The following NBEA variants were observed in gnomAD, a reference collection of about 807,000 sequenced individuals.
The protein encoded by NBEA is neurobeachin, also known as lysosomal-trafficking regulator 2.
A neutral mutation model predicts 343.4 loss-of-function variants in NBEA; 44 were observed. That is an observed-to-expected ratio of 0.13 (90% CI 0.10 to 0.16). The LOEUF is 0.16. Ranked by LOEUF, NBEA falls within the 10% of genes least tolerant of loss-of-function variation. The pLI is 1.00. For missense variants in NBEA, 2,555 were observed against 3,631.3 expected (o/e 0.70, Z 7.62); for synonymous variants, 1,175 against 1,238.7 (o/e 0.95, Z 1.08).
At position 35,601,041 on chromosome 13, in the gene NBEA, A is replaced by G. The variant is rs563139241; in HGVS notation, c.7297-5385A>G. 1.2e-4 allele frequency among the ~76,000 whole-genome samples: 18 copies of G among 152,142 alleles called. No individual in the cohort carries two copies. In the East Asian group the frequency reaches 3.5e-3, roughly 29 times the overall value. ...AAAATACAAAAATTAGTCAGCCATCATGGCGCACACCTGTAATCCCAGCTA... is the reference window on the plus strand; with the variant it reads ...AAAATACAAAAATTAGTCAGCCATCGTGGCGCACACCTGTAATCCCAGCTA... On this transcript the variant is annotated intron_variant, in intron 47 of 58. Coordinates refer to ENST00000379939, the MANE Select transcript of NBEA (RefSeq NM_001385012.1).
At chr13:35,534,832 G>T (rs1283223475) in intron 41 of NBEA, among the ~76,000 whole-genome samples, 3 of 152,056 alleles carry the variant, frequency 2.0e-5, no homozygotes, top group Admixed American at 2.0e-4. Context: ...AATTTTTTTT[G>T]ATGAACAAAT....
intron 45 of NBEA, among the ~76,000 whole-genome samples, chr13:35,581,182 T>C (rs56002303): frequency 0.24 from 36,327 of 151,704 alleles, 4,772 homozygotes; most frequent in East Asian, 0.35. Context: ...TTCTAGATCC[T>C]TGAGGAATCG....
At chr13:35,587,099 C>T (rs900292982) in intron 46 of NBEA, among the ~76,000 whole-genome samples, 6 of 151,964 alleles carry the variant, frequency 3.9e-5, no homozygotes, top group East Asian at 1.9e-4. Flanking sequence ...TCATTACTGC[C>T]GCCAGTGGAA....
intron 38 of NBEA, among the ~76,000 whole-genome samples, chr13:35,375,854 A>G (rs988904205): frequency 2.6e-5 from 4 of 152,150 alleles, no homozygotes; most frequent in African/African-American, 9.6e-5. Context: ...TCTAAAATTC[A>G]TAGTTACCTG....
chr13:35,633,703 T>C (rs1162262685), intron 49 of NBEA, among the ~76,000 whole-genome samples: 1 of 152,026 alleles, frequency 6.6e-6, no homozygotes, highest in Non-Finnish European at 1.5e-5. Flanking sequence ...GAGAAAAATA[T>C]GTGAAAATAC....
intron 41 of NBEA, among the ~76,000 whole-genome samples, chr13:35,519,563 G>A (rs1284131361): frequency 6.6e-6 from 1 of 152,098 alleles, no homozygotes; most frequent in Non-Finnish European, 1.5e-5. Flanking sequence ...TTTTGGCCTT[G>A]TAAATAGCAT....
At chr13:35,350,259 A>G (rs984763439) in intron 37 of NBEA, among the ~76,000 whole-genome samples, 4 of 152,248 alleles carry the variant, frequency 2.6e-5, no homozygotes, top group African/African-American at 9.6e-5. Context: ...GATATTAGTT[A>G]TGAGCTTTAA....
At chr13:35,367,556 T>G (rs1181020457) in intron 38 of NBEA, among the ~76,000 whole-genome samples, 1 of 74,616 alleles carries the variant, frequency 1.3e-5, no homozygotes, top group Non-Finnish European at 2.3e-5. Flanking sequence ...TTGTTGTTGT[T>G]TTTTTTTTTT....
At chr13:34,958,664 C>T (rs1268453727) in intron 1 of NBEA, among the ~76,000 whole-genome samples, 1 of 152,010 alleles carries the variant, frequency 6.6e-6, no homozygotes, top group East Asian at 1.9e-4. Flanking sequence ...AGAGTAGGAG[C>T]TAGAACTCCG....
chr13:35,072,447 C>G (rs2063913085), intron 10 of NBEA, among the ~76,000 whole-genome samples: 1 of 152,036 alleles, frequency 6.6e-6, no homozygotes. Flanking sequence ...GAGGAGTCAG[C>G]ATACCTATTT....
intron 34 of NBEA, among the ~76,000 whole-genome samples, chr13:35,260,133 A>C (rs987511078): frequency 6.6e-6 from 1 of 152,188 alleles, no homozygotes; most frequent in African/African-American, 2.4e-5. Context: ...GTGCTTTCAG[A>C]GATGGGGAAA....
intron 41 of NBEA, chr13:35,475,456 TCGCTCTCCGCCGAGCTCTGCTTGCCGGC>T: frequency 6.2e-7 from 1 of 1,612,778 alleles, no homozygotes; most frequent in Non-Finnish European, 8.5e-7. Context: ...CACCCAGGCG[TCGCTCTCCGCCGAGCTCTGCTTGCCGGC>T]CAAGGAGTGG....
At chr13:35,202,345 A>G (rs2073080741) in intron 31 of NBEA, among the ~76,000 whole-genome samples, 1 of 151,698 alleles carries the variant, frequency 6.6e-6, no homozygotes, top group Non-Finnish European at 1.5e-5. Flanking sequence ...TGGGGCATGT[A>G]TTATTTGTCT....
chr13:35,418,931 AT>A (rs2044113666), intron 38 of NBEA, among the ~76,000 whole-genome samples: 1 of 151,948 alleles, frequency 6.6e-6, no homozygotes, highest in Non-Finnish European at 1.5e-5. Flanking sequence ...ATTTTGGAAT[AT>A]TTGCATGTAC....
intron 38 of NBEA, among the ~76,000 whole-genome samples, chr13:35,353,543 A>T (rs1285491689): frequency 1.3e-5 from 2 of 152,162 alleles, no homozygotes; most frequent in African/African-American, 4.8e-5. Flanking sequence ...AACTTTATTA[A>T]TTTTGGATTT....
chr13:35,152,845 A>G (rs569789222), intron 18 of NBEA, among the ~76,000 whole-genome samples: 1 of 152,144 alleles, frequency 6.6e-6, no homozygotes, highest in South Asian at 2.1e-4. Flanking sequence ...GTCCATATCC[A>G]GCTCTGAACC....
At chr13:35,475,280 G>A (rs756571659) in intron 41 of NBEA, 1 of 1,614,066 alleles carries the variant, frequency 6.2e-7, no homozygotes, top group South Asian at 1.1e-5. Context: ...TCCGACTCTC[G>A]GGGATGCTTT....
chr13:35,631,560 A>AT (rs1289358459), intron 49 of NBEA, among the ~76,000 whole-genome samples: 3 of 149,106 alleles, frequency 2.0e-5, no homozygotes, highest in Admixed American at 1.4e-4. Context: ...CCTAAGATGG[A>AT]TTTTTTCATG....
intron 29 of NBEA, among the ~76,000 whole-genome samples, chr13:35,183,553 T>C (rs2071464275): frequency 6.6e-6 from 1 of 152,094 alleles, no homozygotes; most frequent in Non-Finnish European, 1.5e-5. Flanking sequence ...CACACAAACA[T>C]GAGAATATTT....
Sources: allele counts gnomAD v4.1 joint callset (sites outside exome capture counted in the v4.1 genomes callset), GRCh38; gene constraint gnomAD v4.1.1; transcripts MANE v1.5; gene names NCBI Gene and HGNC (gene_info 2026-07-23, HGNC 2026-07-21).